SCN8A: variants seen among roughly 807,000 people sequenced by gnomAD.
The protein encoded by SCN8A is sodium voltage-gated channel alpha subunit 8.
Under a neutral mutation model 184.1 loss-of-function variants are expected in SCN8A, and 30 were observed. The observed-to-expected ratio is 0.16, with a 90% confidence interval of 0.12 to 0.22. The LOEUF (loss-of-function observed/expected upper bound fraction) is 0.22, where lower values mean the gene tolerates loss of function less well. SCN8A is among the 10% of genes least tolerant of loss of function. The pLI is 1.00. For synonymous variants in SCN8A, 852 were observed against 907.0 expected (o/e 0.94, Z 1.09); for missense variants, 1,057 against 2,498.9 (o/e 0.42, Z 12.30).
At chr12:51,699,823 G>A in intron 7 of SCN8A, 32 bp downstream of exon 7, 1 of 1,550,694 alleles carries the variant, frequency 6.4e-7, no homozygotes, top group Non-Finnish European at 8.8e-7. Context: ...AGAGGAATAG[G>A]AAAAGTCTAT....
rs781769124 is a variant in SCN8A, at chr12:51,706,608, G to C, written c.1528G>C (p.Gly510Arg). 1 of 1,609,204 alleles carries C rather than the reference G, an allele frequency of 6.2e-7. No individual in the cohort carries two copies. Among genetic ancestry groups the C allele is most frequent in the Admixed American group, 1.7e-5 (1 of 59,466 alleles). The stretch of plus-strand genomic sequence containing the variant: ...GGAACTCTCTGAAGGAGAGGAGAAA[G>C]GGGATCCCGAGAAGGTGTTTAAGTC... ...QKELSEGEEKGDPEKVFKSES... is the reference protein window; with the variant it reads ...QKELSEGEEKRDPEKVFKSES... Residue 510 changes from glycine to arginine, a missense_variant, in exon 11 of 27, where the codon GGG becomes CGG. By Grantham distance (125) the Gly-to-Arg change is moderately radical. Coordinates refer to ENST00000627620, the MANE Select transcript of SCN8A (RefSeq NM_001330260.2).
chr12:51,802,326 G>GT (rs1307457162), intron 26 of SCN8A, among the ~76,000 whole-genome samples: 1 of 152,210 alleles, frequency 6.6e-6, no homozygotes, highest in African/African-American at 2.4e-5. Context: ...ACCACTGGGG[G>GT]TGAGGAGGCT....
intron 1 of SCN8A, among the ~76,000 whole-genome samples, chr12:51,655,371 C>CTTTTTT (rs35700645): frequency 7.0e-6 from 1 of 142,106 alleles, no homozygotes; most frequent in Non-Finnish European, 1.6e-5. Context: ...ATTTTAAGGT[C>CTTTTTT]TTTTTTTTTT....
At chr12:51,680,383 A>G (rs1453026345) in intron 2 of SCN8A, among the ~76,000 whole-genome samples, 1 of 152,234 alleles carries the variant, frequency 6.6e-6, no homozygotes, top group Non-Finnish European at 1.5e-5. Context: ...AGTTTCCCCC[A>G]GAATCATCAG....
intron 26 of SCN8A, among the ~76,000 whole-genome samples, chr12:51,801,681 T>C (rs947100429): frequency 4.6e-5 from 7 of 152,212 alleles, no homozygotes; most frequent in Non-Finnish European, 8.8e-5. Flanking sequence ...GATCCAACTT[T>C]ATGTTCCTTC....
rs1565918218 is a variant in SCN8A, at chr12:51,769,382, CAG to C, written c.3372+48_3372+49del. 5 of 1,390,768 alleles carry C rather than the reference CAG, an allele frequency of 3.6e-6. No homozygotes were observed. The Admixed American group carries it at 5.9e-5, about 16-fold the overall frequency. The allele number at this position is 1,390,768 out of a possible 1,614,324, so 86.2% of individuals were successfully genotyped here. ...AGCCTTGATCCTGTGTGAGAGCAAA[CAG>C]GGTGCTGTCAGCCTTGGGGATTGGT... On this transcript the variant is annotated intron_variant, in intron 17 of 26. Transcript: ENST00000627620.
intron 1 of SCN8A, among the ~76,000 whole-genome samples, chr12:51,641,816 G>A (rs1040386346): frequency 1.3e-5 from 2 of 152,040 alleles, no homozygotes; most frequent in African/African-American, 2.4e-5. Context: ...ATGTAACTAC[G>A]ACCTCATAAG....
At chr12:51,748,226 T>C (rs919993725) in intron 13 of SCN8A, among the ~76,000 whole-genome samples, 33 of 152,206 alleles carry the variant, frequency 2.2e-4, no homozygotes, top group Admixed American at 1.4e-3. Flanking sequence ...GCTCTCAGAC[T>C]TTCAGTTAGG....
chr12:51,762,765 A>C, intron 15 of SCN8A, 89 bp downstream of exon 15: 4 of 1,210,738 alleles, frequency 3.3e-6, no homozygotes, highest in Non-Finnish European at 4.4e-6. Context: ...ATGATTTAAA[A>C]AATATATTAG....
chr12:51,652,562 G>A (rs1258265804), intron 1 of SCN8A, among the ~76,000 whole-genome samples: 1 of 152,144 alleles, frequency 6.6e-6, no homozygotes, highest in Non-Finnish European at 1.5e-5. Flanking sequence ...TTGATTACCT[G>A]TTAGCTGATT....
At chr12:51,630,338 A>G (rs1222040793) in intron 1 of SCN8A, among the ~76,000 whole-genome samples, 1 of 151,936 alleles carries the variant, frequency 6.6e-6, no homozygotes, top group Non-Finnish European at 1.5e-5. Flanking sequence ...CACTCTAGGG[A>G]TCTCATATAA....
Position 51,739,706 on chromosome 12 carries a change from G to A in SCN8A, c.1999-6197G>A, listed in dbSNP as rs140564830. Among the ~76,000 whole-genome samples, 951 of 152,216 alleles carry A rather than the reference G, an allele frequency of 6.2e-3. 8 individuals carry two copies. The highest frequency in any genetic ancestry group is 0.02 in the African/African-American group (817 of 41,528). ...CAGCTAGTTTTCTGTTCCAAGCATC[G>A]CTTCAGCAACCCTTTGACCTGGATT... is the stretch of plus-strand genomic sequence containing the variant. On this transcript the variant is annotated intron_variant, in intron 12 of 26. Coordinates refer to ENST00000627620, the MANE Select transcript of SCN8A (RefSeq NM_001330260.2).
intron 11 of SCN8A, among the ~76,000 whole-genome samples, chr12:51,707,803 AC>A (rs1941809075): frequency 6.6e-6 from 1 of 151,850 alleles, no homozygotes; most frequent in Non-Finnish European, 1.5e-5. Context: ...CAACAGGTAA[AC>A]TCTTTGCATT....
At chr12:51,625,624 C>T (rs1249300591) in intron 1 of SCN8A, among the ~76,000 whole-genome samples, 1 of 152,182 alleles carries the variant, frequency 6.6e-6, no homozygotes, top group Admixed American at 6.5e-5. Context: ...ACCCCTCCCC[C>T]TCTTTTGTTT....
chr12:51,691,926 T>G lies in SCN8A; in HGVS notation c.706+2830T>G, dbSNP rs1296181765. Among the ~76,000 whole-genome samples the G allele has an allele frequency of 3.3e-5, 5 of 152,242 alleles. No homozygotes were observed. In the East Asian group the frequency reaches 9.6e-4, roughly 29 times the overall value. On this transcript the variant is annotated intron_variant, in intron 6 of 26. Coordinates refer to ENST00000627620, the MANE Select transcript of SCN8A (RefSeq NM_001330260.2). ...TGTTGTGCTATTCCTACCTGCCTGC[T>G]ATGCAGTCTCCTTCCAAGGCGGGAG...
chr12:51,770,107 A>C, intron 18 of SCN8A, 122 bp downstream of exon 18: 2 of 678,862 alleles, frequency 2.9e-6, no homozygotes, highest in Non-Finnish European at 5.2e-6. Flanking sequence ...TTTGCTCCCC[A>C]CCCCACCATT....
At chr12:51,705,158 G>A (rs1941761654) in intron 9 of SCN8A, among the ~76,000 whole-genome samples, 1 of 152,116 alleles carries the variant, frequency 6.6e-6, no homozygotes, top group Non-Finnish European at 1.5e-5. Context: ...AGTGTATGGG[G>A]AATATTTAGA....
intron 7 of SCN8A, among the ~76,000 whole-genome samples, chr12:51,700,468 T>C (rs781116319): frequency 2.0e-5 from 3 of 152,360 alleles, no homozygotes; most frequent in Middle Eastern, 3.4e-3. Context: ...CTAAGACTAT[T>C]GCAGTCGATC....
chr12:51,767,408 C>T (rs1942855457), intron 16 of SCN8A, among the ~76,000 whole-genome samples: 1 of 152,128 alleles, frequency 6.6e-6, no homozygotes, highest in Non-Finnish European at 1.5e-5. Flanking sequence ...TTCTAGGAAC[C>T]TATAACTTTG....
Sources: allele counts gnomAD v4.1 joint callset (sites outside exome capture counted in the v4.1 genomes callset), GRCh38; gene constraint gnomAD v4.1.1; transcripts MANE v1.5; gene names NCBI Gene and HGNC (gene_info 2026-07-23, HGNC 2026-07-21).